The following ZNF732 variants were observed in gnomAD, a reference collection of about 807,000 sequenced individuals.
The protein encoded by ZNF732 is zinc finger protein LOC654254.
A neutral mutation model predicts 11.5 loss-of-function variants in ZNF732; 12 were observed. That is an observed-to-expected ratio of 1.05 (90% CI 0.67 to 1.70). The LOEUF is 1.70. ZNF732 is among the 40% of genes most tolerant of loss of function. The pLI is 0.00. For synonymous variants in ZNF732, 231 were observed against 236.5 expected (o/e 0.98, Z 0.21); for missense variants, 702 against 676.9 (o/e 1.04, Z -0.41).
chr4:283,161 G>T (rs1719651542), intron 3 of ZNF732, among the ~76,000 whole-genome samples: 1 of 152,090 alleles, frequency 6.6e-6, no homozygotes, highest in South Asian at 2.1e-4. Context: ...TATCATAAAA[G>T]TGAGCTCGTG....
chr4:301,363 AC>A (rs1553843585), intron 1 of ZNF732, among the ~76,000 whole-genome samples: 1 of 152,212 alleles, frequency 6.6e-6, no homozygotes, highest in East Asian at 1.9e-4. Flanking sequence ...CCATCTCATT[AC>A]TGGGTATATA....
intron 1 of ZNF732, among the ~76,000 whole-genome samples, chr4:299,385 A>G (rs564892654): frequency 0.015 from 1,426 of 92,668 alleles, 25 homozygotes; most frequent in Middle Eastern, 0.029. Flanking sequence ...ATATATATAC[A>G]CATATGTACA....
chr4:272,348 T>C lies in ZNF732; in HGVS notation c.509A>G (p.Lys170Arg). Residue 170 changes from lysine to arginine, a missense_variant, in exon 4 of 4, where the codon AAA (lysine) becomes AGA (arginine). Around this residue, in one of 3 missense-constraint regions of ZNF732, gnomAD observed 596 missense variants for 557.9 expected, o/e 1.07. Coordinates refer to ENST00000419098, the MANE Select transcript of ZNF732 (RefSeq NM_001137608.3). ...RIRHTGEKHF[K>R]ECGKSFQKFS... ...CTTCTGAAATGACTTGCCACATTCT[T>C]TAAAGTGTTTCTCTCCAGTATGTCT... The C allele has an allele frequency of 6.2e-7, 1 of 1,608,820 alleles. No individual in the cohort carries two copies. Among genetic ancestry groups the C allele is most frequent in the Non-Finnish European group, 8.5e-7 (1 of 1,176,944 alleles).
At chr4:302,235 T>C (rs1720132290) in intron 1 of ZNF732, among the ~76,000 whole-genome samples, 1 of 152,154 alleles carries the variant, frequency 6.6e-6, no homozygotes, top group South Asian at 2.1e-4. Context: ...TGTCTGGTGA[T>C]TCTGGACAGT....
Position 272,026 on chromosome 4 carries a change from G to A in ZNF732, c.831C>T (p.Pro277=), listed in dbSNP as rs782115245. 2 of 1,610,120 alleles carry A rather than the reference G, an allele frequency of 1.2e-6. No homozygotes were observed. The highest frequency in any genetic ancestry group is 1.7e-5 in the Admixed American group (1 of 59,438). ...KHKRIHAEEK[P]FTCEECGKII... Reference sequence around the variant, plus strand: ...TTTTGCCACATTCTTCACATGTGAAGGGTTTCTCTTCAGCATGAATTCTCT... The same window carrying A: ...TTTTGCCACATTCTTCACATGTGAAAGGTTTCTCTTCAGCATGAATTCTCT... The change falls in exon 4 of 4, where the codon CCC becomes CCT. Residue 277 remains proline (P), a synonymous_variant. Coordinates refer to ENST00000419098, the MANE Select transcript of ZNF732 (RefSeq NM_001137608.3).
At chr4:273,264 T>G (rs1252003412) in intron 3 of ZNF732, among the ~76,000 whole-genome samples, 2 of 152,022 alleles carry the variant, frequency 1.3e-5, no homozygotes, top group African/African-American at 4.8e-5. Context: ...CCTTCCAACA[T>G]GTATGAGAGG....
chr4:289,763 C>T (rs1301005100), intron 3 of ZNF732, among the ~76,000 whole-genome samples: 1 of 152,098 alleles, frequency 6.6e-6, no homozygotes, highest in Non-Finnish European at 1.5e-5. Context: ...GGAGAAGTCA[C>T]TCACTATGGC....
chr4:282,720 T>C (rs1220706468), intron 3 of ZNF732, among the ~76,000 whole-genome samples: 4 of 152,076 alleles, frequency 2.6e-5, no homozygotes, highest in Admixed American at 6.6e-5. Flanking sequence ...AGAAGTTAGA[T>C]TGTTACCTTA....
At position 272,020 on chromosome 4, in the gene ZNF732, TGTG is replaced by T; in HGVS notation, c.834_836del (p.Phe278_Thr279delinsLeu). On this transcript the variant is annotated inframe_deletion, in exon 4 of 4. Transcript: ENST00000419098. Reference sequence around the variant, plus strand: ...TAATGATTTTGCCACATTCTTCACATGTGAAGGGTTTCTCTTCAGCATGAATTC... The same window carrying T: ...TAATGATTTTGCCACATTCTTCACATAAGGGTTTCTCTTCAGCATGAATTC... The T allele has an allele frequency of 6.2e-7, 1 of 1,610,148 alleles. No homozygotes were observed. The highest frequency in any genetic ancestry group is 8.5e-7 in the Non-Finnish European group (1 of 1,177,970).
chr4:273,831 C>T (rs557092214), intron 3 of ZNF732, among the ~76,000 whole-genome samples: 6 of 150,034 alleles, frequency 4.0e-5, no homozygotes, highest in African/African-American at 7.3e-5. Flanking sequence ...AAAACTATTT[C>T]GCAACAGAAA....
rs1218075782 is a variant in ZNF732, at chr4:299,545, A to G, written c.4-3390T>C. On this transcript the variant is annotated intron_variant, in intron 1 of 3. Coordinates refer to ENST00000419098, the MANE Select transcript of ZNF732 (RefSeq NM_001137608.3). ...TATGTGTATATATACATATATACAC[A>G]TATATATGTATATATATAGTTTTAT... Among the ~76,000 whole-genome samples the G allele has an allele frequency of 1.7e-4, 23 of 133,338 alleles. 1 individual carries two copies. The highest frequency in any genetic ancestry group is 4.1e-4 in the East Asian group (2 of 4,906). 87.5% of individuals were successfully genotyped at this position (133,338 alleles called of 152,430 possible). A position where few individuals can be genotyped will look rare whatever the true frequency, so the allele number is the denominator to read the frequency against.
intron 3 of ZNF732, among the ~76,000 whole-genome samples, chr4:289,634 T>G (rs1553841095): frequency 6.6e-6 from 1 of 152,232 alleles, no homozygotes; most frequent in Non-Finnish European, 1.5e-5. Flanking sequence ...ACAAAGAATT[T>G]TGAATGAGGG....
intron 3 of ZNF732, among the ~76,000 whole-genome samples, chr4:273,632 A>C (rs573340365): frequency 7.0e-4 from 107 of 152,014 alleles, no homozygotes; most frequent in African/African-American, 2.5e-3. Flanking sequence ...TTCAAGTTAA[A>C]AAAGGATATA....
Position 271,535 on chromosome 4 carries a change from G to C in ZNF732, c.1322C>G (p.Thr441Ser), listed in dbSNP as rs61792061. Residue 441 changes from threonine to serine, a missense_variant, in exon 4 of 4, where the codon ACT (threonine) becomes AGT (serine). Thr to Ser is a moderately conservative substitution (Grantham distance 58). This residue lies in a region of ZNF732 where 596 missense variants were observed against 557.9 expected (regional missense o/e 1.07). Transcript: ENST00000419098. Reference sequence around the variant, plus strand: ...TTCACATTTGTAAGGTTTCTCTCCAGTATGAATTATCTTATGTTTATTCAG... The same window carrying C: ...TTCACATTTGTAAGGTTTCTCTCCACTATGAATTATCTTATGTTTATTCAG... ...TDLNKHKIIH[T>S]GEKPYKCEEC... 9 of 1,611,624 alleles carry C rather than the reference G, an allele frequency of 5.6e-6. No homozygotes were observed. The highest frequency in any genetic ancestry group is 6.8e-6 in the Non-Finnish European group (8 of 1,178,868).
chr4:302,592 A>C (rs1720139812), intron 1 of ZNF732, among the ~76,000 whole-genome samples: 1 of 152,226 alleles, frequency 6.6e-6, no homozygotes, highest in Admixed American at 6.5e-5. Context: ...GCAGCCTATT[A>C]GTCGCCTACA....
At chr4:286,600 G>A (rs1028339137) in intron 3 of ZNF732, among the ~76,000 whole-genome samples, 1 of 152,212 alleles carries the variant, frequency 6.6e-6, no homozygotes, top group African/African-American at 2.4e-5. Flanking sequence ...GTAGTTAAAT[G>A]CTTAGAAACA....
chr4:271,793 A>G lies in ZNF732; in HGVS notation c.1064T>C (p.Ile355Thr), dbSNP rs1175310610. The part of the protein sequence containing the change: ...RSSVLNEHKR[I>T]HTGEKPYKCE... ...TTTGTAGGGCTTCTCTCCAGTATGA[A>G]TTCTCTTATGTTCATTCAGAACTGA... is the stretch of plus-strand genomic sequence containing the variant. Residue 355 changes from isoleucine (I) to threonine (T), a missense_variant, in exon 4 of 4, where the codon ATT (isoleucine) becomes ACT (threonine). Physicochemically the swap from Ile to Thr is moderately conservative, Grantham distance 89. Coordinates refer to ENST00000419098, the MANE Select transcript of ZNF732 (RefSeq NM_001137608.3). The G allele has an allele frequency of 6.2e-7, 1 of 1,612,436 alleles. No homozygotes were observed.
In ZNF732 at chr4:271,808, T is replaced by C. The variant is rs1719377497; in HGVS notation, c.1049A>G (p.Asn350Ser). Residue 350 changes from asparagine (N) to serine (S), a missense_variant, in exon 4 of 4, where the codon AAT becomes AGT. Physicochemically the swap from Asn to Ser is conservative, Grantham distance 46. Transcript: ENST00000419098. ...TCCAGTATGAATTCTCTTATGTTCATTCAGAACTGAGGACCTACTAAAGGC... is the reference window on the plus strand; with the variant it reads ...TCCAGTATGAATTCTCTTATGTTCACTCAGAACTGAGGACCTACTAAAGGC... ...GKAFSRSSVL[N>S]EHKRIHTGEK... 6.2e-7 allele frequency: 1 copy of C among 1,612,570 alleles called. No individual in the cohort carries two copies. The highest frequency in any genetic ancestry group is 2.2e-5 in the East Asian group (1 of 44,816).
At chr4:296,441 T>C (rs577086679) in intron 1 of ZNF732, among the ~76,000 whole-genome samples, 110 of 152,088 alleles carry the variant, frequency 7.2e-4, no homozygotes, top group Non-Finnish European at 1.3e-3. Context: ...TCAGCTCTCA[T>C]GAAAGTATCT....
Sources: allele counts gnomAD v4.1 joint callset (sites outside exome capture counted in the v4.1 genomes callset), GRCh38; gene constraint gnomAD v4.1.1; regional missense constraint gnomAD v4.1.1; transcripts MANE v1.5; gene names NCBI Gene and HGNC (gene_info 2026-07-23, HGNC 2026-07-21).